SIL1: variants seen among roughly 807,000 people sequenced by gnomAD.
The protein encoded by SIL1 is SIL1 nucleotide exchange factor.
SIL1 carries 40 observed loss-of-function variants against 49.1 expected under a neutral mutation model. That is an observed-to-expected ratio of 0.81 (90% CI 0.63 to 1.06). SIL1 has a LOEUF of 1.06. Among genes scored for constraint, SIL1 ranks in the 50% least tolerant of loss-of-function variants. SIL1 has a pLI of 0.00. For missense variants in SIL1, 500 were observed against 572.6 expected, an observed-to-expected ratio of 0.87 and a Z score of 1.29; for synonymous variants, 253 against 250.8, an observed-to-expected ratio of 1.01 and a Z score of -0.08.
chr5:139,106,571 A>C (rs1338838644), intron 3 of SIL1, among the ~76,000 whole-genome samples: 2 of 152,220 alleles, frequency 1.3e-5, no homozygotes, highest in African/African-American at 4.8e-5. Context: ...TTTAACTTAG[A>C]AAATATGGGC....
intron 1 of SIL1, among the ~76,000 whole-genome samples, chr5:139,162,081 T>C (rs1050365268): frequency 2.6e-5 from 4 of 151,412 alleles, no homozygotes; most frequent in Non-Finnish European, 4.4e-5. Flanking sequence ...GCAGTCCCCC[T>C]ACAGTCTCTA....
chr5:138,951,132 A>C, intron 9 of SIL1, 39 bp downstream of exon 9: 1 of 1,603,382 alleles, frequency 6.2e-7, no homozygotes, highest in Middle Eastern at 1.7e-4. Flanking sequence ...AGCACACACA[A>C]AGCAAACAAG....
chr5:138,963,297 C>T (rs906959391), intron 7 of SIL1, among the ~76,000 whole-genome samples: 3 of 152,130 alleles, frequency 2.0e-5, no homozygotes, highest in African/African-American at 4.8e-5. Context: ...CTCAGATCTG[C>T]ACTCCCTCCA....
At chr5:139,174,078 A>G (rs1232848345) in intron 1 of SIL1, among the ~76,000 whole-genome samples, 2 of 152,076 alleles carry the variant, frequency 1.3e-5, no homozygotes, top group Non-Finnish European at 2.9e-5. Context: ...GAAAGAAAAT[A>G]ATAATAAAGA....
At chr5:139,167,253 C>T (rs1751644430) in intron 1 of SIL1, among the ~76,000 whole-genome samples, 1 of 152,178 alleles carries the variant, frequency 6.6e-6, no homozygotes, top group Admixed American at 6.5e-5. Flanking sequence ...AGCCACAGTA[C>T]CCAGCCAAGG....
At chr5:138,992,886 T>C (rs1015083342) in intron 7 of SIL1, among the ~76,000 whole-genome samples, 1 of 151,802 alleles carries the variant, frequency 6.6e-6, no homozygotes, top group Non-Finnish European at 1.5e-5. Context: ...ATTTAGAAAA[T>C]AATAATTAAA....
chr5:139,031,064 T>C (rs1405017347), intron 5 of SIL1, among the ~76,000 whole-genome samples: 2 of 152,192 alleles, frequency 1.3e-5, no homozygotes. Flanking sequence ...TTCCTTCCAG[T>C]AGTTTATCTT....
At chr5:139,037,449 C>T (rs765586221) in intron 5 of SIL1, among the ~76,000 whole-genome samples, 2 of 152,190 alleles carry the variant, frequency 1.3e-5, no homozygotes, top group Non-Finnish European at 2.9e-5. Context: ...ATTCTTTCTA[C>T]TCTCCATCTG....
intron 3 of SIL1, among the ~76,000 whole-genome samples, chr5:139,118,366 G>A (rs1446777867): frequency 1.3e-5 from 2 of 152,326 alleles, no homozygotes; most frequent in South Asian, 4.1e-4. Flanking sequence ...CTGAAAATCA[G>A]AACAGCTGTG....
intron 3 of SIL1, among the ~76,000 whole-genome samples, chr5:139,061,469 G>A (rs1351785590): frequency 5.9e-5 from 9 of 152,366 alleles, no homozygotes; most frequent in South Asian, 2.1e-4. Flanking sequence ...AGGCTGCCCC[G>A]GCTGGCCATG....
intron 4 of SIL1, among the ~76,000 whole-genome samples, chr5:139,046,100 G>A (rs573775196): frequency 3.0e-4 from 46 of 152,314 alleles, no homozygotes; most frequent in African/African-American, 1.0e-3. Flanking sequence ...AGGCCGAGGC[G>A]GGCAGATCAC....
At chr5:138,993,006 C>T (rs1442874573) in intron 7 of SIL1, among the ~76,000 whole-genome samples, 1 of 152,134 alleles carries the variant, frequency 6.6e-6, no homozygotes, top group Non-Finnish European at 1.5e-5. Context: ...TAGTGGTCCC[C>T]CACAATCTGT....
intron 1 of SIL1, among the ~76,000 whole-genome samples, chr5:139,134,804 C>T (rs977010751): frequency 6.6e-6 from 1 of 152,172 alleles, no homozygotes; most frequent in Non-Finnish European, 1.5e-5. Context: ...ACCTGCTTTA[C>T]AAACTGAAGG....
chr5:139,143,338 CACACACATATATATAT>C (rs1391571253), intron 1 of SIL1, among the ~76,000 whole-genome samples: 1 of 84,216 alleles, frequency 1.2e-5, no homozygotes, highest in African/African-American at 6.6e-5. Context: ...CACACACACA[CACACACATATATATAT>C]ATATATATAT....
intron 3 of SIL1, among the ~76,000 whole-genome samples, chr5:139,109,929 G>A (rs935115363): frequency 6.6e-6 from 1 of 151,786 alleles, no homozygotes; most frequent in Non-Finnish European, 1.5e-5. Flanking sequence ...TCAGCACTTT[G>A]GGAGGACAAG....
intron 7 of SIL1, among the ~76,000 whole-genome samples, chr5:139,018,746 C>T (rs1485600872): frequency 6.6e-6 from 1 of 152,012 alleles, no homozygotes; most frequent in Non-Finnish European, 1.5e-5. Context: ...AAGGACACAT[C>T]CTGATGAGGG....
Position 139,190,896 on chromosome 5 carries a change from C to T in SIL1, c.-11+7373G>A, listed in dbSNP as rs144339053. On this transcript the variant is annotated intron_variant, in intron 1 of 9. Transcript: ENST00000394817. The stretch of plus-strand genomic sequence containing the variant: ...CTTAACTTCAAGAATACAGTCAAAC[C>T]CAACTCCCCATGAGTATGAGATGGG... Among the ~76,000 whole-genome samples the T allele has an allele frequency of 3.5e-3, 537 of 152,204 alleles. 3 individuals are homozygous for T. The highest frequency in any genetic ancestry group is 0.011 in the African/African-American group (461 of 41,508).
intron 3 of SIL1, among the ~76,000 whole-genome samples, chr5:139,055,861 C>T (rs988161762): frequency 3.8e-4 from 57 of 151,828 alleles, no homozygotes; most frequent in Admixed American, 5.9e-4. Context: ...TTGGTGGAGA[C>T]GGGGTTTCAC....
intron 3 of SIL1, among the ~76,000 whole-genome samples, chr5:139,105,126 T>C (rs924374935): frequency 2.6e-5 from 4 of 152,166 alleles, no homozygotes; most frequent in Non-Finnish European, 5.9e-5. Flanking sequence ...TGGGTGAGGA[T>C]TGAGTCATGT....
Sources: allele counts gnomAD v4.1 joint callset (sites outside exome capture counted in the v4.1 genomes callset), GRCh38; gene constraint gnomAD v4.1.1; transcripts MANE v1.5; gene names NCBI Gene and HGNC (gene_info 2026-07-23, HGNC 2026-07-21).